ZNF518A: variants seen among roughly 807,000 people sequenced by gnomAD.
ZNF518A encodes the protein zinc finger protein 518A.
In ZNF518A, 47 loss-of-function variants were observed where a neutral mutation model predicts 102.7. The observed-to-expected ratio is 0.46, with a 90% CI of 0.36 to 0.58. The LOEUF is 0.58. Among genes scored for constraint, ZNF518A ranks in the 20% least tolerant of loss-of-function variants. ZNF518A has a pLI of 0.00. For synonymous variants in ZNF518A, 652 were observed against 594.6 expected, an observed-to-expected ratio of 1.10 and a Z score of -1.40; for missense variants, 1,793 against 1,699.8, an observed-to-expected ratio of 1.05 and a Z score of -0.96.
chr10:96,148,882 A>C (rs1028378119), intron 3 of ZNF518A, among the ~76,000 whole-genome samples: 2 of 152,018 alleles, frequency 1.3e-5, no homozygotes, highest in Admixed American at 1.3e-4. Context: ...CACCCGGCTA[A>C]TTTTTTGTAT....
At chr10:96,175,880 TTC>T (rs1554891398) in intron 1 of ZNF518A, among the ~76,000 whole-genome samples, 1 of 31,454 alleles carries the variant, frequency 3.2e-5, no homozygotes, top group Non-Finnish European at 6.9e-5. Flanking sequence ...CCTCCCTCCC[TTC>T]CTTCCTTCCT....
rs1029126334 is a variant in ZNF518A, at chr10:96,156,272, A to G, written c.-51A>G. 6.6e-7 allele frequency: 1 copy of G among 1,507,434 alleles called. No homozygotes were observed. Among genetic ancestry groups the G allele is most frequent in the African/African-American group, 1.4e-5 (1 of 71,486 alleles). 93.4% of individuals were successfully genotyped at this position (1,507,434 alleles called of 1,614,324 possible). On this transcript the variant is annotated 5_prime_UTR_variant, in exon 6 of 6. In the 5' UTR this introduces an upstream ATG that the reference lacks. Coordinates refer to ENST00000316045, the MANE Select transcript of ZNF518A (RefSeq NM_001330736.2). ...ATCGTTTCCTGTTTAAATTACAGAT[A>G]ACTTCAAGAGTTTTCAGAAAAAAAG...
Position 96,157,686 on chromosome 10 carries a change from A to G in ZNF518A, c.1364A>G (p.His455Arg), listed in dbSNP as rs782529986. 6.2e-7 allele frequency: 1 copy of G among 1,613,796 alleles called. No individual in the cohort carries two copies. The highest frequency in any genetic ancestry group is 8.5e-7 in the Non-Finnish European group (1 of 1,179,814). The change falls in exon 6 of 6, where the codon CAT (histidine) becomes CGT (arginine). Residue 455 changes from histidine to arginine, a missense_variant. Physicochemically the swap from His to Arg is conservative, Grantham distance 29 (BLOSUM62 0). This residue lies in a region of ZNF518A where 1,741 missense variants were observed against 1,622.6 expected (regional missense o/e 1.07). Coordinates refer to ENST00000316045, the MANE Select transcript of ZNF518A (RefSeq NM_001330736.2). ...MGFKMMDGKQ[H>R]IVLKLVPIKQ... Reference sequence around the variant, plus strand: ...TTCAAGATGATGGATGGAAAACAGCATATTGTATTAAAATTGGTGCCTATC... The same window carrying G: ...TTCAAGATGATGGATGGAAAACAGCGTATTGTATTAAAATTGGTGCCTATC...
chr10:96,136,410 C>T (rs921811353), intron 3 of ZNF518A, among the ~76,000 whole-genome samples: 3 of 149,820 alleles, frequency 2.0e-5, no homozygotes, highest in Non-Finnish European at 3.0e-5. Flanking sequence ...TTTATTTCTT[C>T]TTACCTTTCC....
At chr10:96,173,459 C>T (rs1262076511) in intron 1 of ZNF518A, among the ~76,000 whole-genome samples, 6 of 152,164 alleles carry the variant, frequency 3.9e-5, no homozygotes, top group Non-Finnish European at 7.4e-5. Flanking sequence ...TTTGGGCTGC[C>T]ATAACAAAAT....
rs782569622 is a variant in ZNF518A at position 96,204,107 on chromosome 10, G to A, written n.278G>A. On this transcript the variant is annotated non_coding_transcript_exon_variant, in exon 3 of 3. Coordinates refer to the ZNF518A transcript ENST00000442635. The stretch of plus-strand genomic sequence containing the variant: ...GATTTGTCTGCAAGAAAGAATTTCA[G>A]ATAATTAAAGGACAAAGCACAATAT... The A allele has an allele frequency of 4.1e-5, 66 of 1,613,468 alleles. No individual in the cohort carries two copies. Among genetic ancestry groups the A allele is most frequent in the Non-Finnish European group, 5.3e-5 (63 of 1,179,578 alleles).
intron 3 of ZNF518A, among the ~76,000 whole-genome samples, chr10:96,143,276 T>TTTC (rs1179320998): frequency 1.3e-5 from 2 of 152,202 alleles, no homozygotes; most frequent in African/African-American, 4.8e-5. Flanking sequence ...CTTTTATAAC[T>TTTC]TTTTTCTGTT....
intron 1 of ZNF518A, among the ~76,000 whole-genome samples, chr10:96,185,887 C>T (rs2083269152): frequency 6.6e-6 from 1 of 152,246 alleles, no homozygotes; most frequent in South Asian, 2.1e-4. Flanking sequence ...CCAGTTCGAG[C>T]TTCCAGGCTG....
intron 3 of ZNF518A, among the ~76,000 whole-genome samples, chr10:96,142,410 A>T (rs1226118662): frequency 1.3e-5 from 2 of 151,164 alleles, no homozygotes; most frequent in Admixed American, 1.3e-4. Context: ...TTACTGTTAC[A>T]TGCTGCTTTG....
At position 96,162,635 on chromosome 10, in the gene ZNF518A, T is replaced by C. The variant is rs2083041873; in HGVS notation, c.*1861T>C. 1.8e-5 allele frequency: 3 copies of C among 166,334 alleles called. No homozygotes were observed. The highest frequency in any genetic ancestry group is 6.5e-5 in the Admixed American group (1 of 15,278). 10.3% of individuals were successfully genotyped at this position (166,334 alleles called of 1,614,324 possible). ...CTAAGAATGGAGTTAATTGGAAATA[T>C]ACAGTATATATTAATAATGTACATG... is the stretch of plus-strand genomic sequence containing the variant. On this transcript the variant is annotated 3_prime_UTR_variant, in exon 6 of 6. Transcript: ENST00000316045.
At chr10:96,181,757 G>T (rs1367400279) in intron 1 of ZNF518A, among the ~76,000 whole-genome samples, 3 of 152,194 alleles carry the variant, frequency 2.0e-5, no homozygotes, top group Non-Finnish European at 2.9e-5. Context: ...AGTATAGTTT[G>T]AAGTCAGGTA....
intron 1 of ZNF518A, among the ~76,000 whole-genome samples, chr10:96,190,789 G>T (rs1318872409): frequency 6.6e-6 from 1 of 152,176 alleles, no homozygotes; most frequent in African/African-American, 2.4e-5. Context: ...ACATTTCTGG[G>T]ATGATCTAAG....
Position 96,158,559 on chromosome 10 carries a change from A to G in ZNF518A, c.2237A>G (p.Glu746Gly), listed in dbSNP as rs781971424. The change falls in exon 6 of 6, where the codon GAA becomes GGA. Residue 746 changes from glutamate to glycine, a missense_variant. Transcript: ENST00000316045. Reference protein sequence around the residue: ...NENQNLECATEKSKWEDFSNV... With the variant: ...NENQNLECATGKSKWEDFSNV... ...AATCAAAATTTAGAGTGTGCGACTGAAAAATCTAAATGGGAAGACTTTTCT... is the reference window on the plus strand; with the variant it reads ...AATCAAAATTTAGAGTGTGCGACTGGAAAATCTAAATGGGAAGACTTTTCT... 21 of 1,613,132 alleles carry G rather than the reference A, an allele frequency of 1.3e-5. No homozygotes were observed. The highest frequency in any genetic ancestry group is 1.7e-5 in the Non-Finnish European group (20 of 1,179,632).
chr10:96,139,442 C>CT (rs1554875679), intron 3 of ZNF518A, among the ~76,000 whole-genome samples: 2 of 151,954 alleles, frequency 1.3e-5, no homozygotes, highest in Non-Finnish European at 2.9e-5. Context: ...AAAAGAGACC[C>CT]CAGAGGGCTC....
intron 1 of ZNF518A, chr10:96,192,137 T>G (rs1474382928): frequency 1.2e-6 from 2 of 1,610,126 alleles, no homozygotes; most frequent in African/African-American, 2.7e-5. Context: ...GCATTTGTGT[T>G]AAATTTGAGC....
intron 1 of ZNF518A, among the ~76,000 whole-genome samples, chr10:96,175,006 C>T (rs2083195000): frequency 6.6e-6 from 1 of 152,070 alleles, no homozygotes; most frequent in African/African-American, 2.4e-5. Context: ...AGGAAGTCCC[C>T]ATTTGTAAGG....
intron 3 of ZNF518A, among the ~76,000 whole-genome samples, chr10:96,139,992 G>T (rs587757318): frequency 6.6e-6 from 1 of 152,048 alleles, no homozygotes; most frequent in Non-Finnish European, 1.5e-5. Context: ...CTGAGTAGCC[G>T]GGATTACAGG....
chr10:96,169,336 G>A (rs1337819109), intron 1 of ZNF518A, among the ~76,000 whole-genome samples: 1 of 152,094 alleles, frequency 6.6e-6, no homozygotes, highest in African/African-American at 2.4e-5. Flanking sequence ...TATCATACAC[G>A]TCTTTCAGGC....
intron 1 of ZNF518A, among the ~76,000 whole-genome samples, chr10:96,197,831 G>A (rs369068339): frequency 3.3e-5 from 5 of 151,444 alleles, no homozygotes; most frequent in Non-Finnish European, 7.4e-5. Context: ...CAGAAGAATG[G>A]CGTGAACCCA....
Sources: gnomAD v4.1 joint callset for allele counts (sites outside exome capture counted in the v4.1 genomes callset) on GRCh38, gnomAD v4.1.1 for gene constraint, gnomAD v4.1.1 regional missense constraint, MANE v1.5 for transcripts, NCBI Gene and HGNC (gene_info 2026-07-23, HGNC 2026-07-21) for gene names.